Variants in LMX1A observed in about 807,000 individuals in gnomAD.
LMX1A encodes the protein LIM homeobox transcription factor 1-alpha.
LMX1A carries 15 observed loss-of-function variants against 49.1 expected under a neutral mutation model. The ratio of observed to expected loss-of-function variants is 0.31; its 90% CI spans 0.20 to 0.47. The LOEUF (loss-of-function observed/expected upper bound fraction) is 0.47. Ranked by LOEUF, LMX1A falls within the 20% of genes least tolerant of loss-of-function variation. LMX1A has a pLI of 1.00. For missense variants in LMX1A, 372 were observed against 475.8 expected, an observed-to-expected ratio of 0.78 and a Z score of 2.03; for synonymous variants, 167 against 185.7, an observed-to-expected ratio of 0.90 and a Z score of 0.82.
chr1:165,270,634 T>C lies in LMX1A; in HGVS notation c.264-20994A>G, dbSNP rs141529540. On this transcript the variant is annotated intron_variant, in intron 3 of 8. Transcript: ENST00000342310. ...ATCAGGATGTTTTAGAAAATTCTTATTTCCTGCCAGATCTGAGGTTGGTTT... is the reference window on the plus strand; with the variant it reads ...ATCAGGATGTTTTAGAAAATTCTTACTTCCTGCCAGATCTGAGGTTGGTTT... 1.7e-3 allele frequency among the ~76,000 whole-genome samples: 253 copies of C among 152,282 alleles called. 2 individuals carry two copies. Among genetic ancestry groups the C allele is most frequent in the African/African-American group, 5.6e-3 (232 of 41,552 alleles).
chr1:165,263,133 C>T (rs1418519210), intron 3 of LMX1A, among the ~76,000 whole-genome samples: 1 of 152,206 alleles, frequency 6.6e-6, no homozygotes, highest in Non-Finnish European at 1.5e-5. Context: ...TATGCTCGCT[C>T]CCCTTAGGGA....
chr1:165,204,408 A>G (rs983090376), intron 8 of LMX1A, among the ~76,000 whole-genome samples: 9 of 152,202 alleles, frequency 5.9e-5, no homozygotes, highest in Non-Finnish European at 8.8e-5. Context: ...CAAACAAAAA[A>G]ACAAAACAAA....
At chr1:165,220,811 G>A (rs1235663551) in intron 4 of LMX1A, among the ~76,000 whole-genome samples, 4 of 152,168 alleles carry the variant, frequency 2.6e-5, no homozygotes, top group Non-Finnish European at 5.9e-5. Flanking sequence ...GTGGAGTGGT[G>A]GAAAGTAACT....
At chr1:165,278,178 A>G (rs1654026453) in intron 3 of LMX1A, among the ~76,000 whole-genome samples, 1 of 152,314 alleles carries the variant, frequency 6.6e-6, no homozygotes, top group South Asian at 2.1e-4. Flanking sequence ...TTGACTCCAG[A>G]GCTCCTGCTC....
intron 4 of LMX1A, among the ~76,000 whole-genome samples, chr1:165,229,390 T>A (rs2102618984): frequency 6.6e-6 from 1 of 152,284 alleles, no homozygotes; most frequent in East Asian, 1.9e-4. Flanking sequence ...CCCCCGTCAC[T>A]TCTATTATTA....
chr1:165,293,764 G>T (rs1226230221), intron 3 of LMX1A, among the ~76,000 whole-genome samples: 2 of 152,154 alleles, frequency 1.3e-5, no homozygotes, highest in Non-Finnish European at 2.9e-5. Flanking sequence ...TTCATAGAGT[G>T]GAAGGGATGA....
chr1:165,243,987 C>T (rs540294556), intron 4 of LMX1A, among the ~76,000 whole-genome samples: 2 of 152,266 alleles, frequency 1.3e-5, no homozygotes, highest in South Asian at 4.1e-4. Flanking sequence ...GGACTTTCAG[C>T]CCCAGCCCCT....
chr1:165,275,576 C>T (rs1011491864), intron 3 of LMX1A, among the ~76,000 whole-genome samples: 1 of 152,172 alleles, frequency 6.6e-6, no homozygotes, highest in Non-Finnish European at 1.5e-5. Flanking sequence ...CACTCTGTTG[C>T]CCCCCATCAT....
chr1:165,231,891 C>T (rs565343974), intron 4 of LMX1A, among the ~76,000 whole-genome samples: 4 of 123,884 alleles, frequency 3.2e-5, no homozygotes, highest in South Asian at 2.2e-4. Flanking sequence ...TACAAATCTG[C>T]GATTCCTGGG....
chr1:165,341,626 A>G (rs2101762977), intron 3 of LMX1A, among the ~76,000 whole-genome samples: 1 of 151,678 alleles, frequency 6.6e-6, no homozygotes, highest in African/African-American at 2.4e-5. Context: ...AATTGTAATA[A>G]GTGCCTTGAA....
intron 3 of LMX1A, among the ~76,000 whole-genome samples, chr1:165,299,048 G>C (rs1654702865): frequency 6.6e-6 from 1 of 152,150 alleles, no homozygotes; most frequent in African/African-American, 2.4e-5. Flanking sequence ...AACTCAGAGA[G>C]GCTAAATAAC....
chr1:165,279,451 G>A (rs772181007), intron 3 of LMX1A, among the ~76,000 whole-genome samples: 9 of 143,664 alleles, frequency 6.3e-5, no homozygotes, highest in Non-Finnish European at 1.1e-4. Flanking sequence ...CTACCACAAG[G>A]GAACTTGAGA....
At chr1:165,330,640 G>A (rs1432559677) in intron 3 of LMX1A, among the ~76,000 whole-genome samples, 1 of 152,182 alleles carries the variant, frequency 6.6e-6, no homozygotes, top group Non-Finnish European at 1.5e-5. Flanking sequence ...TTGAAAGGGA[G>A]TCACCACATG....
rs899135251 is a variant in LMX1A at position 165,227,276 on chromosome 1, G to A, written c.497-13463C>T. 5.3e-5 allele frequency among the ~76,000 whole-genome samples: 8 copies of A among 152,268 alleles called. No individual in the cohort carries two copies. In the South Asian group the frequency reaches 6.2e-4, roughly 12 times the overall value. ...GAGCCAACCAGGCACAGTGGCTCAC[G>A]CCTATAATCCCAGCACTTTTGGAGG... On this transcript the variant is annotated intron_variant, in intron 4 of 8. Coordinates refer to ENST00000342310, the MANE Select transcript of LMX1A (RefSeq NM_177398.4).
intron 3 of LMX1A, among the ~76,000 whole-genome samples, chr1:165,300,231 G>C (rs1352015768): frequency 3.9e-5 from 6 of 152,322 alleles, no homozygotes; most frequent in South Asian, 2.1e-4. Flanking sequence ...GAGCTGACCA[G>C]AGCCTGCTAT....
At chr1:165,337,810 G>C (rs1281861423) in intron 3 of LMX1A, among the ~76,000 whole-genome samples, 1 of 151,674 alleles carries the variant, frequency 6.6e-6, no homozygotes, top group African/African-American at 2.4e-5. Flanking sequence ...CTTTGACCTT[G>C]CCCACTGACC....
At chr1:165,222,362 T>C (rs1651883256) in intron 4 of LMX1A, among the ~76,000 whole-genome samples, 1 of 152,220 alleles carries the variant, frequency 6.6e-6, no homozygotes, top group African/African-American at 2.4e-5. Flanking sequence ...CATGACATTG[T>C]ATTAGGTTCA....
At chr1:165,208,292 G>A (rs1651184803) in intron 6 of LMX1A, among the ~76,000 whole-genome samples, 160 bp from the exon 7 acceptor site, 2 of 152,222 alleles carry the variant, frequency 1.3e-5, no homozygotes, top group Non-Finnish European at 2.9e-5. Flanking sequence ...CCCCATATGC[G>A]AGAAGCATTG....
At chr1:165,302,157 G>T (rs1557878027) in intron 3 of LMX1A, among the ~76,000 whole-genome samples, 1 of 151,522 alleles carries the variant, frequency 6.6e-6, no homozygotes, top group Non-Finnish European at 1.5e-5. Flanking sequence ...AGAGAATGAG[G>T]CTGGGTGTGG....
Sources: gnomAD v4.1 joint callset for allele counts (sites outside exome capture counted in the v4.1 genomes callset) on GRCh38, gnomAD v4.1.1 for gene constraint, MANE v1.5 for transcripts, NCBI Gene and HGNC (gene_info 2026-07-23, HGNC 2026-07-21) for gene names.